Variants in NECTIN2 observed in about 807,000 individuals in gnomAD.
NECTIN2 encodes nectin cell adhesion molecule 2.
In NECTIN2, 23 loss-of-function variants were observed where a neutral mutation model predicts 56.9. The observed-to-expected ratio is 0.40, with a 90% CI of 0.29 to 0.57. NECTIN2 has a LOEUF of 0.57. Ranked by LOEUF, NECTIN2 falls within the 20% of genes least tolerant of loss-of-function variation. The probability of loss-of-function intolerance (pLI) is 0.38; values close to 1 mark genes in which losing one functional copy is unlikely to be tolerated. For missense variants in NECTIN2, 587 were observed against 718.3 expected (o/e 0.82, Z 2.09); for synonymous variants, 302 against 313.8 (o/e 0.96, Z 0.40).
intron 5 of NECTIN2, among the ~76,000 whole-genome samples, chr19:44,881,026 G>A (rs936894722): frequency 3.3e-5 from 5 of 151,860 alleles, no homozygotes; most frequent in Middle Eastern, 3.4e-3. Flanking sequence ...CACCTGCCTC[G>A]GCCTCCCAAA....
chr19:44,886,311 C>T, intron 8 of NECTIN2, 92 bp downstream of exon 8: 1 of 1,054,392 alleles, frequency 9.5e-7, no homozygotes, highest in East Asian at 2.4e-5. Context: ...GACTAAAGGT[C>T]ATAACTCAAG....
At chr19:44,858,736 G>T (rs553269044) in intron 1 of NECTIN2, among the ~76,000 whole-genome samples, 1 of 151,872 alleles carries the variant, frequency 6.6e-6, no homozygotes, top group Non-Finnish European at 1.5e-5. Flanking sequence ...TCCACCTCCC[G>T]GGTTCAAGCA....
rs1240545788 is a variant in NECTIN2, at chr19:44,875,039, A to C, written c.1042+561A>C. On this transcript the variant is annotated intron_variant, in intron 5 of 8. Transcript: ENST00000252483. This position sits in a 1 kb window ranked among gnomAD's most constrained non-coding sequence, Gnocchi z 4.2. ...ACAGAGAGACCCCTGGGTCCTGGAG[A>C]TAGGGCCAGAGACCCCTCCTGTCAG... Among the ~76,000 whole-genome samples the C allele has an allele frequency of 2.0e-5, 3 of 152,106 alleles. No individual in the cohort carries two copies. Among genetic ancestry groups the C allele is most frequent in the Non-Finnish European group, 4.4e-5 (3 of 68,010 alleles).
Position 44,874,330 on chromosome 19 carries a change from G to A in NECTIN2, c.894G>A (p.Thr298=). The A allele has an allele frequency of 6.2e-7, 1 of 1,613,984 alleles. No homozygotes were observed. The highest frequency in any genetic ancestry group is 8.5e-7 in the Non-Finnish European group (1 of 1,179,894). The part of the protein sequence containing the change: ...NPEPTGYDWS[T]TSGTFPTSAV... Reference sequence around the variant, plus strand: ...CTCACCTGACCCCACACCCCTCCAGGACCTCAGGCACCTTCCCGACCTCCG... The same window carrying A: ...CTCACCTGACCCCACACCCCTCCAGAACCTCAGGCACCTTCCCGACCTCCG... The change falls in exon 5 of 9, where the codon ACG becomes ACA. Residue 298 remains threonine (T), a splice_region_variant and synonymous_variant. Transcript: ENST00000252483. The surrounding 1 kb of genome is among the most constrained non-coding windows in gnomAD (Gnocchi z 6.3).
At chr19:44,879,740 G>A (rs751370508) in intron 5 of NECTIN2, among the ~76,000 whole-genome samples, 2 of 152,132 alleles carry the variant, frequency 1.3e-5, no homozygotes, top group Non-Finnish European at 2.9e-5. Context: ...TCTGTAACAC[G>A]GGGCAGGTGT....
intron 5 of NECTIN2, chr19:44,878,277 G>A (rs1445545834): frequency 8.4e-7 from 1 of 1,192,760 alleles, no homozygotes; most frequent in Non-Finnish European, 1.2e-6. Context: ...GGGGCCGTGG[G>A]GGGGACACTG....
chr19:44,879,632 C>CG (rs1394036617), intron 5 of NECTIN2, among the ~76,000 whole-genome samples: 4 of 152,178 alleles, frequency 2.6e-5, no homozygotes, highest in African/African-American at 4.8e-5. Flanking sequence ...AAAGCAAAGA[C>CG]GGGGGGAGGG....
chr19:44,851,878 T>C (rs1968903094), intron 1 of NECTIN2, among the ~76,000 whole-genome samples: 1 of 152,190 alleles, frequency 6.6e-6, no homozygotes, highest in East Asian at 1.9e-4. Context: ...CCACCTGACA[T>C]GCAGAGCGTC....
chr19:44,846,829 AC>A (rs1237647168), intron 1 of NECTIN2, among the ~76,000 whole-genome samples: 1 of 130,930 alleles, frequency 7.6e-6, no homozygotes. Context: ...TCTCACCACC[AC>A]CCCCATCCTT....
Position 44,865,554 on chromosome 19 carries a change from G to C in NECTIN2, c.372G>C (p.Thr124=), listed in dbSNP as rs916044396. 3 of 1,564,994 alleles carry C rather than the reference G, an allele frequency of 1.9e-6. No individual in the cohort carries two copies. The highest frequency in any genetic ancestry group is 1.7e-6 in the Non-Finnish European group (2 of 1,156,754). The change falls in exon 2 of 9, where the codon ACG becomes ACC. Residue 124 remains threonine (T), a synonymous_variant. Transcript: ENST00000252483. The surrounding 1 kb of genome is among the most constrained non-coding windows in gnomAD (Gnocchi z 5.2). ...QDTEAELQDA[T]LALHGLTVED... is the part of the protein sequence containing the mutation. ...CAGAGGCAGAGCTCCAGGACGCCAC[G>C]CTGGCCCTCCACGGGCTCACGGTGG... is the stretch of plus-strand genomic sequence containing the variant.
chr19:44,878,902 G>A, intron 5 of NECTIN2: 1 of 1,263,328 alleles, frequency 7.9e-7, no homozygotes, highest in South Asian at 2.7e-5. Context: ...CTGGCCCCGT[G>A]ACACTCAGGA....
Position 44,874,642 on chromosome 19 carries a change from C to T in NECTIN2, c.1042+164C>T. 2.4e-6 allele frequency: 2 copies of T among 841,658 alleles called. No homozygotes were observed. The highest frequency in any genetic ancestry group is 3.7e-6 in the Non-Finnish European group (2 of 545,072). 52.1% of individuals were successfully genotyped at this position (841,658 alleles called of 1,614,324 possible). ...TGAGGGTTGGCCTTCCCCTCGTGGCCTCAGACTGGGGTCTGGATTTGGGGT... is the reference window on the plus strand; with the variant it reads ...TGAGGGTTGGCCTTCCCCTCGTGGCTTCAGACTGGGGTCTGGATTTGGGGT... On this transcript the variant is annotated intron_variant, in intron 5 of 8. Coordinates refer to ENST00000252483, the MANE Select transcript of NECTIN2 (RefSeq NM_001042724.2). The surrounding 1 kb of genome is among the most constrained non-coding windows in gnomAD (Gnocchi z 6.3).
rs886446090 is a variant in NECTIN2, at chr19:44,875,000, C to T, written c.1042+522C>T. ...AGCGCGGCCGGGACTGTTAACAGAG[C>T]CATGCTTCCTGGGACAGAGAGACCC... On this transcript the variant is annotated intron_variant, in intron 5 of 8. Transcript: ENST00000252483. The surrounding 1 kb of genome is among the most constrained non-coding windows in gnomAD (Gnocchi z 6.3). 1.3e-5 allele frequency among the ~76,000 whole-genome samples: 2 copies of T among 152,152 alleles called. No individual in the cohort carries two copies. The highest frequency in any genetic ancestry group is 4.8e-5 in the African/African-American group (2 of 41,422).
chr19:44,877,327 C>T (rs76940893), intron 5 of NECTIN2, among the ~76,000 whole-genome samples: 1 of 152,252 alleles, frequency 6.6e-6, no homozygotes, highest in Non-Finnish European at 1.5e-5. Context: ...GTTCTGGTTA[C>T]ATTGACTTCT....
At position 44,863,718 on chromosome 19, in the gene NECTIN2, G is replaced by A. The variant is rs547329878; in HGVS notation, c.89-1553G>A. Among the ~76,000 whole-genome samples the A allele has an allele frequency of 3.0e-4, 46 of 151,776 alleles. 1 individual carries two copies. Among genetic ancestry groups the A allele is most frequent in the African/African-American group, 9.4e-4 (39 of 41,428 alleles). ...AAATTAGCCAGGCATGGTGGCGGGCGCCTGTAATCCCAGCTACTCAGGAGG... is the reference window on the plus strand; with the variant it reads ...AAATTAGCCAGGCATGGTGGCGGGCACCTGTAATCCCAGCTACTCAGGAGG... On this transcript the variant is annotated intron_variant, in intron 1 of 8. Coordinates refer to ENST00000252483, the MANE Select transcript of NECTIN2 (RefSeq NM_001042724.2).
chr19:44,871,768 G>A, intron 2 of NECTIN2, 85 bp from the exon 3 acceptor site: 2 of 1,455,446 alleles, frequency 1.4e-6, no homozygotes, highest in Non-Finnish European at 1.9e-6. Context: ...CGGCAGTTAG[G>A]GCCTAACCAC....
At chr19:44,856,602 C>T (rs114145612) in intron 1 of NECTIN2, among the ~76,000 whole-genome samples, 1 of 152,174 alleles carries the variant, frequency 6.6e-6, no homozygotes, top group Non-Finnish European at 1.5e-5. Context: ...GAGTGGCCTT[C>T]CCCCCTTGCC....
At chr19:44,887,370 C>T (rs1319771310) in intron 8 of NECTIN2, among the ~76,000 whole-genome samples, 1 of 149,640 alleles carries the variant, frequency 6.7e-6, no homozygotes, top group Non-Finnish European at 1.5e-5. Context: ...AGGCCGGGTG[C>T]GGTTGCTCAC....
At chr19:44,871,393 T>A (rs1228185066) in intron 2 of NECTIN2, among the ~76,000 whole-genome samples, 1 of 152,082 alleles carries the variant, frequency 6.6e-6, no homozygotes, top group Non-Finnish European at 1.5e-5. Context: ...CCGGGCATGG[T>A]GGTGCATGCC....
Sources: gnomAD v4.1 joint callset for allele counts (sites outside exome capture counted in the v4.1 genomes callset) on GRCh38, gnomAD v4.1.1 for gene constraint, Gnocchi (gnomAD v3.1) non-coding constraint, MANE v1.5 for transcripts, NCBI Gene and HGNC (gene_info 2026-07-23, HGNC 2026-07-21) for gene names.